PPP6R3: variants seen among roughly 807,000 people sequenced by gnomAD.
The protein encoded by PPP6R3 is serine/threonine-protein phosphatase 6 regulatory subunit 3.
In PPP6R3, 38 loss-of-function variants were observed where a neutral mutation model predicts 110.7. That is an observed-to-expected ratio of 0.34 (90% confidence interval 0.26 to 0.45). The LOEUF (loss-of-function observed/expected upper bound fraction) is 0.45. Ranked by LOEUF, PPP6R3 falls within the 20% of genes least tolerant of loss-of-function variation. The pLI is 1.00. For synonymous variants in PPP6R3, 369 were observed against 373.5 expected (o/e 0.99, Z 0.14); for missense variants, 870 against 1,062.4 (o/e 0.82, Z 2.52).
At chr11:68,582,514 C>T (rs967368051) in intron 14 of PPP6R3, among the ~76,000 whole-genome samples, 3 of 152,164 alleles carry the variant, frequency 2.0e-5, no homozygotes, top group African/African-American at 2.4e-5. Context: ...GGGAAGCTGT[C>T]GACTCAAGTC....
chr11:68,475,032 C>T (rs1027906326), intron 1 of PPP6R3, among the ~76,000 whole-genome samples: 2 of 152,018 alleles, frequency 1.3e-5, no homozygotes. Context: ...GAACAAAGGT[C>T]TCTGGTTTTC....
intron 21 of PPP6R3, among the ~76,000 whole-genome samples, chr11:68,602,689 T>A (rs1456171917): frequency 6.6e-6 from 1 of 152,172 alleles, no homozygotes; most frequent in African/African-American, 2.4e-5. Flanking sequence ...GGTTTCATCA[T>A]CCTCCTGAAC....
At position 68,553,163 on chromosome 11, in the gene PPP6R3, T is replaced by TG. The variant is rs2153703099; in HGVS notation, c.619-982_619-981insG. ...GCTCAGTCTTTGAGTTATGCTCAGT[T>TG]TCTTAATCCAGAGAATAAAATGTGT... On this transcript the variant is annotated intron_variant, in intron 6 of 23. Transcript: ENST00000393800. Among the ~76,000 whole-genome samples, 4 of 152,356 alleles carry TG rather than the reference T, an allele frequency of 2.6e-5. 1 individual carries two copies. The South Asian group carries it at 8.3e-4, about 32-fold the overall frequency.
chr11:68,510,237 T>C (rs547833020), intron 1 of PPP6R3, among the ~76,000 whole-genome samples: 5 of 152,104 alleles, frequency 3.3e-5, no homozygotes, highest in African/African-American at 1.2e-4. Flanking sequence ...AAGAAATCGA[T>C]ACTCAGGTTA....
Position 68,599,923 on chromosome 11 carries a change from A to G in PPP6R3, c.2039-418A>G, listed in dbSNP as rs562683942. ...CGGTTCACGAGGTCGGGATATTGAG[A>G]CCATCCTGGCTAACACAGTGAAACC... On this transcript the variant is annotated intron_variant, in intron 19 of 23. Transcript: ENST00000393800. 9.2e-5 allele frequency among the ~76,000 whole-genome samples: 14 copies of G among 152,248 alleles called. No homozygotes were observed. The East Asian group carries it at 2.5e-3, about 28-fold the overall frequency.
chr11:68,469,497 C>T (rs1419224194), intron 1 of PPP6R3, among the ~76,000 whole-genome samples: 4 of 151,848 alleles, frequency 2.6e-5, no homozygotes, highest in Non-Finnish European at 4.4e-5. Context: ...CCTCAGCCTC[C>T]CGAGTAGCTG....
chr11:68,474,987 A>G (rs1370506254), intron 1 of PPP6R3, among the ~76,000 whole-genome samples: 2 of 151,724 alleles, frequency 1.3e-5, no homozygotes, highest in Non-Finnish European at 2.9e-5. Context: ...GGGTCACAGG[A>G]CAACAGTGGA....
chr11:68,485,295 A>G (rs1454862582), intron 1 of PPP6R3, among the ~76,000 whole-genome samples: 5 of 137,640 alleles, frequency 3.6e-5, no homozygotes, highest in East Asian at 2.1e-4. Flanking sequence ...TTTTTTTTCA[A>G]TTCCTTCACA....
At chr11:68,577,344 T>C (rs563095733) in intron 14 of PPP6R3, among the ~76,000 whole-genome samples, 1 of 152,362 alleles carries the variant, frequency 6.6e-6, no homozygotes, top group African/African-American at 2.4e-5. Context: ...TACTGTTAAA[T>C]CATACTGCTT....
At chr11:68,476,459 GGGGGGAGGGGGA>G (rs548056726) in intron 1 of PPP6R3, among the ~76,000 whole-genome samples, 11 of 142,524 alleles carry the variant, frequency 7.7e-5, no homozygotes, top group Non-Finnish European at 1.2e-4. Flanking sequence ...CGTGGGGAGA[GGGGGGAGGGGGA>G]GGGGGAGGGG....
At chr11:68,602,343 A>G (rs2099634443) in intron 21 of PPP6R3, among the ~76,000 whole-genome samples, 3 of 152,206 alleles carry the variant, frequency 2.0e-5, no homozygotes, top group East Asian at 1.9e-4. Flanking sequence ...GGGTTTGTTT[A>G]GAGCTATGGG....
At chr11:68,517,521 A>G (rs1370475514) in intron 1 of PPP6R3, among the ~76,000 whole-genome samples, 1 of 152,198 alleles carries the variant, frequency 6.6e-6, no homozygotes, top group East Asian at 1.9e-4. Flanking sequence ...GCATAAGACA[A>G]ATCCAGAACA....
In PPP6R3 at chr11:68,508,354, A is replaced by T. The variant is rs190433871; in HGVS notation, c.-157-11147A>T. 3.9e-3 allele frequency among the ~76,000 whole-genome samples: 596 copies of T among 151,288 alleles called. 2 individuals carry two copies. The highest frequency in any genetic ancestry group is 0.031 in the Middle Eastern group (9 of 294). On this transcript the variant is annotated intron_variant, in intron 1 of 23. Coordinates refer to ENST00000393800, the MANE Select transcript of PPP6R3 (RefSeq NM_001164161.2). ...ACCACGTTGGCCAGGCTGGTCTGGA[A>T]CTCCTGACCTCGTGATCCACCCACC... is the stretch of plus-strand genomic sequence containing the variant.
Position 68,515,412 on chromosome 11 carries a change from A to G in PPP6R3, c.-157-4089A>G, listed in dbSNP as rs190125319. The stretch of plus-strand genomic sequence containing the variant: ...CAGGAGATGGCTGGGACAAAGAACC[A>G]GGAGCTGGAGGGGTGAGGCGGTAGG... On this transcript the variant is annotated intron_variant, in intron 1 of 23. Coordinates refer to ENST00000393800, the MANE Select transcript of PPP6R3 (RefSeq NM_001164161.2). 1.5e-3 allele frequency among the ~76,000 whole-genome samples: 229 copies of G among 152,390 alleles called. 1 individual carries two copies. Among genetic ancestry groups the G allele is most frequent in the Admixed American group, 0.013 (199 of 15,296 alleles).
In PPP6R3 at chr11:68,615,185, C is replaced by A; in HGVS notation, c.*2068C>A. 1 of 438,370 alleles carries A rather than the reference C, an allele frequency of 2.3e-6. No individual in the cohort carries two copies. Among genetic ancestry groups the A allele is most frequent in the Non-Finnish European group, 4.6e-6 (1 of 216,440 alleles). 27.2% of individuals were successfully genotyped at this position (438,370 alleles called of 1,614,324 possible). A position where few individuals can be genotyped will look rare whatever the true frequency, so the allele number is the denominator to read the frequency against. On this transcript the variant is annotated 3_prime_UTR_variant, in exon 24 of 24. Coordinates refer to ENST00000393800, the MANE Select transcript of PPP6R3 (RefSeq NM_001164161.2). The stretch of plus-strand genomic sequence containing the variant: ...TCTTTTGGAGGTTGGAGGGGCCAAG[C>A]CAAGGACAGGAGCAAGTGTGCCCTC...
At chr11:68,478,532 T>C (rs1190309381) in intron 1 of PPP6R3, among the ~76,000 whole-genome samples, 2 of 152,116 alleles carry the variant, frequency 1.3e-5, no homozygotes, top group Non-Finnish European at 2.9e-5. Context: ...TCTGCCCTTT[T>C]ACTTTCAAGC....
intron 1 of PPP6R3, among the ~76,000 whole-genome samples, chr11:68,464,646 T>C (rs2098733191): frequency 6.6e-6 from 1 of 152,200 alleles, no homozygotes; most frequent in African/African-American, 2.4e-5. Context: ...TTCAGATGCC[T>C]GAAGACTGAA....
In PPP6R3 at chr11:68,601,908, C is replaced by T; in HGVS notation, c.2238C>T (p.Thr746=). 6.2e-7 allele frequency: 1 copy of T among 1,613,466 alleles called. No individual in the cohort carries two copies. Among genetic ancestry groups the T allele is most frequent in the Non-Finnish European group, 8.5e-7 (1 of 1,179,748 alleles). The change falls in exon 21 of 24, where the codon ACC becomes ACT. Residue 746 remains threonine (T), a synonymous_variant. Coordinates refer to ENST00000393800, the MANE Select transcript of PPP6R3 (RefSeq NM_001164161.2). ...LRSNSPVEME[T]STEPMDPLTP... ...GTAATTCTCCAGTGGAAATGGAAAC[C>T]AGCACTGAACCCATGGACCCTCTGA...
At chr11:68,596,742 C>T (rs763473593) in intron 19 of PPP6R3, among the ~76,000 whole-genome samples, 11 of 152,188 alleles carry the variant, frequency 7.2e-5, no homozygotes, top group Non-Finnish European at 1.5e-4. Context: ...AGTTAGCTGG[C>T]CTTTTAAAAA....
Sources: allele counts gnomAD v4.1 joint callset (sites outside exome capture counted in the v4.1 genomes callset), GRCh38; gene constraint gnomAD v4.1.1; transcripts MANE v1.5; gene names NCBI Gene and HGNC (gene_info 2026-07-23, HGNC 2026-07-21).